DIP2C: variants seen among roughly 807,000 people sequenced by gnomAD.
DIP2C encodes the protein disco-interacting protein 2 homolog C.
A neutral mutation model predicts 192.4 loss-of-function variants in DIP2C; 33 were observed. The observed-to-expected ratio is 0.17, with a 90% CI of 0.13 to 0.23. The LOEUF (loss-of-function observed/expected upper bound fraction) is 0.23, where lower values mean the gene tolerates loss of function less well. Among genes scored for constraint, DIP2C ranks in the 10% least tolerant of loss-of-function variants. DIP2C has a pLI of 1.00. For missense variants in DIP2C, 1,537 were observed against 2,110.1 expected (o/e 0.73, Z 5.32); for synonymous variants, 979 against 864.1 (o/e 1.13, Z -2.33).
chr10:278,101 C>T (rs1040405553), intron 36 of DIP2C, among the ~76,000 whole-genome samples: 16 of 150,278 alleles, frequency 1.1e-4, no homozygotes, highest in African/African-American at 3.9e-4. Context: ...GAGGGCCATG[C>T]GTGTGGACGC....
At chr10:580,483 T>C (rs529465842) in intron 1 of DIP2C, among the ~76,000 whole-genome samples, 3 of 152,172 alleles carry the variant, frequency 2.0e-5, no homozygotes, top group Admixed American at 6.6e-5. Context: ...CAGATACATG[T>C]CCAAATAGTG....
intron 31 of DIP2C, among the ~76,000 whole-genome samples, 174 bp downstream of exon 31, chr10:326,832 G>A (rs570206329): frequency 3.3e-5 from 5 of 152,230 alleles, no homozygotes; most frequent in Non-Finnish European, 4.4e-5. Context: ...GGATACGAAC[G>A]TAGACTGTAG....
At chr10:680,690 G>A (rs1370211395) in intron 1 of DIP2C, among the ~76,000 whole-genome samples, 3 of 152,230 alleles carry the variant, frequency 2.0e-5, no homozygotes, top group Admixed American at 6.5e-5. Context: ...ATTTCCATGC[G>A]ATGAGAAAGG....
chr10:588,857 T>TG (rs532957472), intron 1 of DIP2C, among the ~76,000 whole-genome samples: 81 of 152,334 alleles, frequency 5.3e-4, no homozygotes, highest in Non-Finnish European at 1.1e-3. Context: ...TCTGTTTCTC[T>TG]GGGGTAAATA....
At chr10:531,747 G>GA (rs1335286917) in intron 1 of DIP2C, among the ~76,000 whole-genome samples, 4 of 152,134 alleles carry the variant, frequency 2.6e-5, no homozygotes, top group Non-Finnish European at 5.9e-5. Flanking sequence ...GCGGGACCAT[G>GA]AAGTCTGTGG....
intron 14 of DIP2C, among the ~76,000 whole-genome samples, chr10:386,865 C>T (rs977364882): frequency 6.6e-6 from 1 of 152,140 alleles, no homozygotes; most frequent in African/African-American, 2.4e-5. Context: ...AGCGTCTAAG[C>T]AGTCATGCTC....
At chr10:500,163 C>A (rs1484191537) in intron 1 of DIP2C, among the ~76,000 whole-genome samples, 3 of 152,250 alleles carry the variant, frequency 2.0e-5, no homozygotes, top group South Asian at 2.1e-4. Flanking sequence ...GGGACCCCTG[C>A]AGGCAATGTG....
intron 17 of DIP2C, among the ~76,000 whole-genome samples, chr10:378,926 G>A (rs1170282978): frequency 6.6e-6 from 1 of 152,224 alleles, no homozygotes; most frequent in Non-Finnish European, 1.5e-5. Context: ...CATGCGTGAG[G>A]ACAGGCGAGT....
At chr10:284,362 C>A (rs1954988598) in intron 34 of DIP2C, among the ~76,000 whole-genome samples, 1 of 152,192 alleles carries the variant, frequency 6.6e-6, no homozygotes, top group Non-Finnish European at 1.5e-5. Flanking sequence ...GACAGCCGTC[C>A]TCTGTTCCCT....
In DIP2C at chr10:344,851, G is replaced by C. The variant is rs774357371; in HGVS notation, c.3411C>G (p.Leu1137=). ...TCCCAGTTGTGGACACGCTGAAGTC[G>C]AGATATGCAAGAGTGTCTGGGTTGC... ...KPCNPDTLAY[L]DFSVSTTGML... The change falls in exon 28 of 37, where the codon CTC becomes CTG. Residue 1137 remains leucine, a synonymous_variant. Transcript: ENST00000280886. The C allele has an allele frequency of 2.5e-6, 4 of 1,605,266 alleles. No individual in the cohort carries two copies. The highest frequency in any genetic ancestry group is 3.4e-6 in the Non-Finnish European group (4 of 1,177,100).
At chr10:494,063 C>G (rs1844638815) in intron 1 of DIP2C, among the ~76,000 whole-genome samples, 1 of 152,206 alleles carries the variant, frequency 6.6e-6, no homozygotes, top group African/African-American at 2.4e-5. Context: ...TCACGCTGGA[C>G]CACCCCGAGG....
intron 1 of DIP2C, among the ~76,000 whole-genome samples, chr10:550,746 T>G (rs1023873604): frequency 2.0e-5 from 3 of 152,118 alleles, no homozygotes; most frequent in Non-Finnish European, 2.9e-5. Flanking sequence ...AAACTCCTCT[T>G]AATATTCAGA....
At chr10:312,971 T>C (rs1271533678) in intron 31 of DIP2C, among the ~76,000 whole-genome samples, 2 of 152,204 alleles carry the variant, frequency 1.3e-5, no homozygotes, top group Non-Finnish European at 2.9e-5. Flanking sequence ...CACGGCTAAG[T>C]ACCTCATTTC....
chr10:464,041 T>G (rs1286438095), intron 3 of DIP2C, among the ~76,000 whole-genome samples: 1 of 151,978 alleles, frequency 6.6e-6, no homozygotes, highest in Non-Finnish European at 1.5e-5. Flanking sequence ...CCATAAAAAC[T>G]CTACAAGAAA....
chr10:348,802 G>A lies in DIP2C; in HGVS notation c.3110-40C>T, dbSNP rs760876861. The A allele has an allele frequency of 6.3e-5, 101 of 1,607,856 alleles. No individual in the cohort carries two copies. In the East Asian group the frequency reaches 1.8e-3, roughly 29 times the overall value. On this transcript the variant is annotated intron_variant, in intron 25 of 36. Transcript: ENST00000280886. The stretch of plus-strand genomic sequence containing the variant: ...AAACATCATCATTGAAGCAGACCAC[G>A]CTGCTGAGTGCACACTCTCCCTGTC...
In DIP2C at chr10:384,106, T is replaced by C. The variant is rs896969221; in HGVS notation, c.1797A>G (p.Ala599=). 14 of 1,610,198 alleles carry C rather than the reference T, an allele frequency of 8.7e-6. No individual in the cohort carries two copies. The highest frequency in any genetic ancestry group is 2.2e-5 in the East Asian group (1 of 44,806). The change falls in exon 16 of 37, where the codon GCA becomes GCG. Residue 599 remains alanine (A), a synonymous_variant. Transcript: ENST00000280886. ...CTCTCTGATCTCTGTGTGCTACTAATGCCCAATGCATATCCCTCGATTTCA... is the reference window on the plus strand; with the variant it reads ...CTCTCTGATCTCTGTGTGCTACTAACGCCCAATGCATATCCCTCGATTTCA... ...ACVKSRDMHW[A]LVAHRDQRDI...
intron 1 of DIP2C, among the ~76,000 whole-genome samples, chr10:534,229 C>CA (rs1847571233): frequency 6.6e-6 from 1 of 152,206 alleles, no homozygotes; most frequent in Non-Finnish European, 1.5e-5. Flanking sequence ...GCTGGAGAAT[C>CA]ACCCCGGGGA....
chr10:548,213 C>CCT (rs1554897813), intron 1 of DIP2C, among the ~76,000 whole-genome samples: 2 of 100,208 alleles, frequency 2.0e-5, no homozygotes, highest in African/African-American at 7.3e-5. Flanking sequence ...GCCCCACCCC[C>CCT]CCCCCCACAG....
At chr10:619,754 G>A (rs1177082948) in intron 1 of DIP2C, among the ~76,000 whole-genome samples, 9 of 152,136 alleles carry the variant, frequency 5.9e-5, no homozygotes, top group South Asian at 2.1e-4. Context: ...GAGCCCTCTG[G>A]TGCCTCCCCA....
Sources: allele counts gnomAD v4.1 joint callset (sites outside exome capture counted in the v4.1 genomes callset), GRCh38; gene constraint gnomAD v4.1.1; transcripts MANE v1.5; gene names NCBI Gene and HGNC (gene_info 2026-07-23, HGNC 2026-07-21).